Variants in CSMD2 observed in about 807,000 individuals in gnomAD.
CSMD2 encodes CUB and Sushi multiple domains 2, also known as CUB and sushi domain-containing protein 2.
A neutral mutation model predicts 398.5 loss-of-function variants in CSMD2; 130 were observed. The ratio of observed to expected loss-of-function variants is 0.33; its 90% CI spans 0.28 to 0.38. The LOEUF is 0.38. Ranked by LOEUF, CSMD2 falls within the 10% of genes least tolerant of loss-of-function variation. The probability of loss-of-function intolerance (pLI) is 1.00; values close to 1 mark genes in which losing one functional copy is unlikely to be tolerated. For synonymous variants in CSMD2, 1,828 were observed against 1,908.5 expected (o/e 0.96, Z 1.10); for missense variants, 3,829 against 4,764.9 (o/e 0.80, Z 5.78).
At chr1:34,058,404 A>T (rs564223960) in intron 2 of CSMD2, among the ~76,000 whole-genome samples, 1 of 152,256 alleles carries the variant, frequency 6.6e-6, no homozygotes, top group Non-Finnish European at 1.5e-5. Flanking sequence ...GATGATGATG[A>T]TATAAAAACA....
At position 33,555,839 on chromosome 1, in the gene CSMD2, C is replaced by T. The variant is rs192708319; in HGVS notation, c.8743+1895G>A. The stretch of plus-strand genomic sequence containing the variant: ...AAAATTTGTGTGACTTATTTTATTG[C>T]GATTTTTGCTTTATTGCAGTAGTCT... On this transcript the variant is annotated intron_variant, in intron 55 of 70. Transcript: ENST00000373381. Among the ~76,000 whole-genome samples the T allele has an allele frequency of 3.9e-4, 59 of 152,230 alleles. No individual in the cohort carries two copies. The East Asian group carries it at 7.1e-3, about 18-fold the overall frequency.
At chr1:33,746,300 G>C (rs1647373677) in intron 13 of CSMD2, among the ~76,000 whole-genome samples, 2 of 152,162 alleles carry the variant, frequency 1.3e-5, no homozygotes, top group Non-Finnish European at 2.9e-5. Flanking sequence ...CAAAGACCTT[G>C]AAGGCAGAGG....
chr1:33,643,823 T>C (rs1041999187), intron 29 of CSMD2, among the ~76,000 whole-genome samples: 1 of 151,582 alleles, frequency 6.6e-6, no homozygotes, highest in Admixed American at 6.6e-5. Context: ...CCAAATGGGC[T>C]ACTAGACCAG....
chr1:33,608,937 C>T (rs969371900), intron 41 of CSMD2, among the ~76,000 whole-genome samples: 1 of 152,230 alleles, frequency 6.6e-6, no homozygotes, highest in African/African-American at 2.4e-5. Context: ...GAAGGCGTTG[C>T]ATCTGTCTCT....
intron 9 of CSMD2, among the ~76,000 whole-genome samples, chr1:33,816,554 T>C (rs2124982991): frequency 6.6e-6 from 1 of 152,354 alleles, no homozygotes; most frequent in South Asian, 2.1e-4. Context: ...TTTTGAATAT[T>C]GGGCTCCATA....
At chr1:33,766,253 A>C (rs1323769390) in intron 13 of CSMD2, among the ~76,000 whole-genome samples, 2 of 152,258 alleles carry the variant, frequency 1.3e-5, no homozygotes, top group Non-Finnish European at 2.9e-5. Context: ...GCATAGGCCC[A>C]AACCCAGTGG....
chr1:33,950,732 A>G (rs1003860431), intron 3 of CSMD2, among the ~76,000 whole-genome samples: 27 of 152,308 alleles, frequency 1.8e-4, no homozygotes, highest in Admixed American at 1.6e-3. Context: ...CAGGTGAAAA[A>G]GAGGGAGCTG....
intron 25 of CSMD2, among the ~76,000 whole-genome samples, chr1:33,676,047 A>G (rs1029117829): frequency 1.3e-5 from 2 of 152,236 alleles, no homozygotes; most frequent in African/African-American, 4.8e-5. Context: ...GAAAACTGGC[A>G]CAAGACAGGG....
chr1:33,602,589 C>A, intron 42 of CSMD2, 43 bp from the exon 43 acceptor site: 1 of 1,469,706 alleles, frequency 6.8e-7, no homozygotes, highest in South Asian at 1.4e-5. Flanking sequence ...GGCCTCGGTA[C>A]CCACCTGAGA....
chr1:33,557,712 T>G, intron 55 of CSMD2, 22 bp downstream of exon 55: 1 of 1,532,848 alleles, frequency 6.5e-7, no homozygotes, highest in East Asian at 2.4e-5. Flanking sequence ...TCAGTCATTT[T>G]GAGCAGGTGA....
intron 41 of CSMD2, among the ~76,000 whole-genome samples, chr1:33,606,985 T>C (rs1317088309): frequency 6.6e-6 from 1 of 152,080 alleles, no homozygotes; most frequent in Non-Finnish European, 1.5e-5. Flanking sequence ...GGAAAGCAAG[T>C]GGGTTTGTTC....
chr1:33,947,076 C>A (rs1042400214), intron 3 of CSMD2, among the ~76,000 whole-genome samples: 1 of 152,220 alleles, frequency 6.6e-6, no homozygotes, highest in Non-Finnish European at 1.5e-5. Flanking sequence ...TCTCCTATGG[C>A]CTCAGCCCTG....
intron 25 of CSMD2, among the ~76,000 whole-genome samples, chr1:33,684,799 C>T (rs890753925): frequency 2.0e-5 from 3 of 152,314 alleles, no homozygotes; most frequent in Admixed American, 6.5e-5. Flanking sequence ...CTGTAGTCCA[C>T]CCCCAACTGC....
chr1:33,724,246 G>A lies in CSMD2; in HGVS notation c.2952C>T (p.Tyr984=), dbSNP rs373128432. 6.2e-7 allele frequency: 1 copy of A among 1,613,912 alleles called. No homozygotes were observed. Among genetic ancestry groups the A allele is most frequent in the African/African-American group, 1.3e-5 (1 of 74,900 alleles). ...TILSPGFPDF[Y]PNNLNCTWII... ...TCCAGGTGCAGTTCAAGTTGTTGGG[G>A]TAGAAGTCAGGGAACCCTGGCGACA... The change falls in exon 19 of 71, where the codon TAC becomes TAT. Residue 984 remains tyrosine (Y), a synonymous_variant. Coordinates refer to ENST00000373381, the MANE Select transcript of CSMD2 (RefSeq NM_001281956.2).
Position 34,165,139 on chromosome 1 carries a change from C to A in CSMD2, c.-42G>T, listed in dbSNP as rs1445568832. ...CCGAGGGAGAGGCTCCGCTCGCCGC[C>A]GAGGAGAAAGGAGGTCAGGAGAGCT... On this transcript the variant is annotated 5_prime_UTR_variant, in exon 1 of 71. Coordinates refer to ENST00000373381, the MANE Select transcript of CSMD2 (RefSeq NM_001281956.2). The A allele has an allele frequency of 8.3e-7, 1 of 1,209,990 alleles. No homozygotes were observed. The highest frequency in any genetic ancestry group is 3.3e-5 in the East Asian group (1 of 29,862). The allele number at this position is 1,209,990 out of a possible 1,614,324, so 75.0% of individuals were successfully genotyped here.
At chr1:33,778,065 C>T (rs1366339831) in intron 12 of CSMD2, among the ~76,000 whole-genome samples, 17 of 152,224 alleles carry the variant, frequency 1.1e-4, no homozygotes, top group Non-Finnish European at 1.5e-5. Flanking sequence ...TCTCCTCTTC[C>T]TTTGGCATGA....
At chr1:33,596,668 C>T (rs1333872979) in intron 44 of CSMD2, among the ~76,000 whole-genome samples, 5 of 152,084 alleles carry the variant, frequency 3.3e-5, no homozygotes, top group Non-Finnish European at 7.4e-5. Flanking sequence ...CTTATAAAAC[C>T]ACCAGATCTC....
chr1:33,565,423 C>T (rs570931275), intron 53 of CSMD2, among the ~76,000 whole-genome samples: 23 of 152,000 alleles, frequency 1.5e-4, no homozygotes, highest in South Asian at 4.2e-4. Context: ...ATGAAGGACA[C>T]ACAACCTCTT....
intron 41 of CSMD2, among the ~76,000 whole-genome samples, chr1:33,605,697 C>T (rs982719628): frequency 1.4e-4 from 21 of 152,182 alleles, no homozygotes; most frequent in African/African-American, 4.8e-4. Flanking sequence ...GCTCTTTCCA[C>T]AGTACTGGCA....
Sources: allele counts gnomAD v4.1 joint callset (sites outside exome capture counted in the v4.1 genomes callset), GRCh38; gene constraint gnomAD v4.1.1; transcripts MANE v1.5; gene names NCBI Gene and HGNC (gene_info 2026-07-23, HGNC 2026-07-21).